GRK3: variants seen among roughly 807,000 people sequenced by gnomAD.
GRK3 encodes G protein-coupled receptor kinase 3.
Under a neutral mutation model 95.7 loss-of-function variants are expected in GRK3, and 54 were observed. That is an observed-to-expected ratio of 0.56 (90% CI 0.45 to 0.71). The LOEUF (loss-of-function observed/expected upper bound fraction) is 0.71, where lower values mean the gene tolerates loss of function less well. GRK3 is among the 30% of genes least tolerant of loss of function. The probability of loss-of-function intolerance (pLI) is 0.00; values close to 1 mark genes in which losing one functional copy is unlikely to be tolerated. For missense variants in GRK3, 649 were observed against 851.2 expected, an observed-to-expected ratio of 0.76 and a Z score of 2.96; for synonymous variants, 281 against 290.8, an observed-to-expected ratio of 0.97 and a Z score of 0.34.
intron 13 of GRK3, among the ~76,000 whole-genome samples, chr22:25,700,615 T>C (rs1340705926): frequency 1.3e-5 from 2 of 152,242 alleles, no homozygotes; most frequent in African/African-American, 4.8e-5. Flanking sequence ...TGAGACGGCG[T>C]CTCGCTCTAT....
rs1195241001 is a variant in GRK3 at position 25,723,935 on chromosome 22, A to G, written c.*1485A>G. 2 of 151,168 alleles carry G rather than the reference A, an allele frequency of 1.3e-5. No homozygotes were observed. Among genetic ancestry groups the G allele is most frequent in the African/African-American group, 4.8e-5 (2 of 41,252 alleles). 9.4% of individuals were successfully genotyped at this position (151,168 alleles called of 1,614,324 possible). On this transcript the variant is annotated 3_prime_UTR_variant, in exon 21 of 21. Transcript: ENST00000324198. Reference sequence around the variant, plus strand: ...TACCAAAAGGGTCCATTATTTCATAAGAGTTACTTTGCAAAAAAAAAAATG... The same window carrying G: ...TACCAAAAGGGTCCATTATTTCATAGGAGTTACTTTGCAAAAAAAAAAATG...
intron 18 of GRK3, among the ~76,000 whole-genome samples, chr22:25,715,941 A>C (rs948965670): frequency 2.6e-5 from 4 of 151,936 alleles, no homozygotes; most frequent in African/African-American, 7.3e-5. Flanking sequence ...CATTCTTTTA[A>C]CTCTGTTTAC....
Position 25,725,721 on chromosome 22 carries a change from C to T in GRK3, c.*3271C>T. On this transcript the variant is annotated 3_prime_UTR_variant, in exon 21 of 21. Transcript: ENST00000324198. ...CAGCACTTTGGGAGGCCGAGAGGGGCGGTTCACGAGGTCAGGAGATTGAGA... is the reference window on the plus strand; with the variant it reads ...CAGCACTTTGGGAGGCCGAGAGGGGTGGTTCACGAGGTCAGGAGATTGAGA... The T allele has an allele frequency of 2.5e-6, 1 of 397,716 alleles. No individual in the cohort carries two copies. Among genetic ancestry groups the T allele is most frequent in the Non-Finnish European group, 4.4e-6 (1 of 225,700 alleles). The allele number at this position is 397,716 out of a possible 1,614,324, so 24.6% of individuals were successfully genotyped here.
chr22:25,623,134 G>A lies in GRK3; in HGVS notation c.190+18681G>A, dbSNP rs552117011. On this transcript the variant is annotated intron_variant, in intron 2 of 20. Transcript: ENST00000324198. The stretch of plus-strand genomic sequence containing the variant: ...TTTTTGTATTTTTTGTAGAGACGGG[G>A]TATCTCCATGTTGTCCAGGCTGGTC... Among the ~76,000 whole-genome samples, 93 of 152,130 alleles carry A rather than the reference G, an allele frequency of 6.1e-4. 3 individuals are homozygous for A. In the South Asian group the frequency reaches 0.016, roughly 27 times the overall value.
At chr22:25,648,409 C>G (rs1157506008) in intron 3 of GRK3, 1 of 1,280,684 alleles carries the variant, frequency 7.8e-7, no homozygotes, top group Non-Finnish European at 1.1e-6. Context: ...GCAAAAGATG[C>G]TTGGGAAATC....
chr22:25,648,187 C>G (rs900874482), intron 3 of GRK3: 1 of 728,138 alleles, frequency 1.4e-6, no homozygotes, highest in African/African-American at 1.7e-5. Context: ...GGTGCTTATT[C>G]CCTCTCTATT....
chr22:25,640,071 T>A (rs1228441398), intron 2 of GRK3, among the ~76,000 whole-genome samples: 1 of 152,206 alleles, frequency 6.6e-6, no homozygotes, highest in Admixed American at 6.5e-5. Context: ...TAGATAGGAT[T>A]TGCCAGGTAG....
intron 1 of GRK3, among the ~76,000 whole-genome samples, chr22:25,601,493 T>A (rs1601464820): frequency 2.0e-5 from 3 of 152,310 alleles, no homozygotes; most frequent in Admixed American, 2.0e-4. Flanking sequence ...TCAATATCTG[T>A]GAGATGCAGT....
At chr22:25,618,020 G>A (rs2084553248) in intron 2 of GRK3, among the ~76,000 whole-genome samples, 1 of 152,210 alleles carries the variant, frequency 6.6e-6, no homozygotes, top group South Asian at 2.1e-4. Flanking sequence ...TGATCCACCT[G>A]CCTTGGCCTC....
rs758399230 is a variant in GRK3, at chr22:25,722,583, G to A, written c.*133G>A. Reference sequence around the variant, plus strand: ...CTCCCGAGAGGAGTCGGGACCCTTCGGCTTGGGGTCAGCTCAGCTCCCTGC... The same window carrying A: ...CTCCCGAGAGGAGTCGGGACCCTTCAGCTTGGGGTCAGCTCAGCTCCCTGC... On this transcript the variant is annotated 3_prime_UTR_variant, in exon 21 of 21. Coordinates refer to ENST00000324198, the MANE Select transcript of GRK3 (RefSeq NM_005160.4). 3 of 860,804 alleles carry A rather than the reference G, an allele frequency of 3.5e-6. No homozygotes were observed. Among genetic ancestry groups the A allele is most frequent in the East Asian group, 5.4e-5 (2 of 37,268 alleles). The allele number at this position is 860,804 out of a possible 1,614,324, so 53.3% of individuals were successfully genotyped here.
chr22:25,686,116 G>C (rs1199921524), intron 10 of GRK3, among the ~76,000 whole-genome samples: 1 of 151,736 alleles, frequency 6.6e-6, no homozygotes, highest in Non-Finnish European at 1.5e-5. Context: ...CAGCTACTCG[G>C]GAGGCTGAGG....
chr22:25,656,469 C>T (rs531980235), intron 3 of GRK3, among the ~76,000 whole-genome samples: 64 of 152,144 alleles, frequency 4.2e-4, no homozygotes, highest in African/African-American at 1.4e-3. Context: ...GGGTGTACCA[C>T]CACACCCAGA....
At chr22:25,613,023 C>A (rs1339454444) in intron 2 of GRK3, among the ~76,000 whole-genome samples, 7 of 152,130 alleles carry the variant, frequency 4.6e-5, no homozygotes, top group Admixed American at 1.3e-4. Context: ...AAACTTGCCA[C>A]TCGATTTCAT....
chr22:25,727,303 T>C lies in GRK3; in HGVS notation c.*4853T>C, dbSNP rs2085482827. On this transcript the variant is annotated 3_prime_UTR_variant, in exon 21 of 21. Coordinates refer to ENST00000324198, the MANE Select transcript of GRK3 (RefSeq NM_005160.4). Reference sequence around the variant, plus strand: ...TTTTTTTTTAATCCAGGTCACATTTTAACAAAGTTTATTATGAAACAAATG... The same window carrying C: ...TTTTTTTTTAATCCAGGTCACATTTCAACAAAGTTTATTATGAAACAAATG... 6.6e-6 allele frequency: 1 copy of C among 152,248 alleles called. No homozygotes were observed. Among genetic ancestry groups the C allele is most frequent in the Non-Finnish European group, 1.5e-5 (1 of 68,046 alleles). 9.4% of individuals were successfully genotyped at this position (152,248 alleles called of 1,614,324 possible). A position where few individuals can be genotyped will look rare whatever the true frequency, so the allele number is the denominator to read the frequency against.
chr22:25,726,285 A>G lies in GRK3; in HGVS notation c.*3835A>G, dbSNP rs1339094821. Reference sequence around the variant, plus strand: ...ACTTTTCAGTGGAATTGATTTTTCTAATGTTTCAGAATTTTAACATATCAA... The same window carrying G: ...ACTTTTCAGTGGAATTGATTTTTCTGATGTTTCAGAATTTTAACATATCAA... On this transcript the variant is annotated 3_prime_UTR_variant, in exon 21 of 21. Transcript: ENST00000324198. 1 of 152,186 alleles carries G rather than the reference A, an allele frequency of 6.6e-6. No homozygotes were observed. Among genetic ancestry groups the G allele is most frequent in the South Asian group, 2.1e-4 (1 of 4,826 alleles). 9.4% of individuals were successfully genotyped at this position (152,186 alleles called of 1,614,324 possible). A position where few individuals can be genotyped will look rare whatever the true frequency, so the allele number is the denominator to read the frequency against.
In GRK3 at chr22:25,728,129, C is replaced by G. The variant is rs1005372030; in HGVS notation, c.*5679C>G. 2.6e-5 allele frequency: 4 copies of G among 152,176 alleles called. No homozygotes were observed. Among genetic ancestry groups the G allele is most frequent in the Non-Finnish European group, 5.9e-5 (4 of 68,032 alleles). The allele number at this position is 152,176 out of a possible 1,614,324, so 9.4% of individuals were successfully genotyped here. ...GTTTGTTATTTAAAGAAATGGCAGT[C>G]CTTCCTGTTCTTAATACAATAAAAT... On this transcript the variant is annotated 3_prime_UTR_variant, in exon 21 of 21. Coordinates refer to ENST00000324198, the MANE Select transcript of GRK3 (RefSeq NM_005160.4).
intron 3 of GRK3, among the ~76,000 whole-genome samples, chr22:25,645,224 T>C (rs1455130844): frequency 6.6e-6 from 1 of 152,144 alleles, no homozygotes; most frequent in Non-Finnish European, 1.5e-5. Flanking sequence ...AGCCTTACAG[T>C]GCCTAGGAAA....
intron 3 of GRK3, among the ~76,000 whole-genome samples, chr22:25,654,866 C>CT (rs2084858784): frequency 6.6e-6 from 1 of 152,182 alleles, no homozygotes; most frequent in Non-Finnish European, 1.5e-5. Context: ...TCTCACCTCT[C>CT]TTCTGGCTTG....
At chr22:25,632,687 T>G (rs762729879) in intron 2 of GRK3, among the ~76,000 whole-genome samples, 2 of 152,214 alleles carry the variant, frequency 1.3e-5, no homozygotes, top group Non-Finnish European at 2.9e-5. Context: ...TTGAGTTAAT[T>G]TTTGTAGGAA....
Sources: allele counts gnomAD v4.1 joint callset (sites outside exome capture counted in the v4.1 genomes callset), GRCh38; gene constraint gnomAD v4.1.1; transcripts MANE v1.5; gene names NCBI Gene and HGNC (gene_info 2026-07-23, HGNC 2026-07-21).